The following CFI variants were observed in gnomAD, a reference collection of about 807,000 sequenced individuals.
CFI encodes complement factor I.
A neutral mutation model predicts 78.8 loss-of-function variants in CFI; 66 were observed. That is an observed-to-expected ratio of 0.84 (90% confidence interval 0.69 to 1.03). CFI has a LOEUF of 1.03. Among genes scored for constraint, CFI ranks in the 50% least tolerant of loss-of-function variants. CFI has a pLI of 0.00. For missense variants in CFI, 706 were observed against 704.5 expected, an observed-to-expected ratio of 1.00 and a Z score of -0.02; for synonymous variants, 250 against 232.6, an observed-to-expected ratio of 1.07 and a Z score of -0.68.
At chr4:109,779,724 C>T (rs62324929) in intron 1 of CFI, among the ~76,000 whole-genome samples, 6,170 of 152,226 alleles carry the variant, frequency 0.041, 181 homozygotes, top group South Asian at 0.1. Context: ...TGTGACCTGA[C>T]TTCAAACTAT....
At chr4:109,798,315 T>C (rs1409095979) in intron 1 of CFI, among the ~76,000 whole-genome samples, 2 of 152,208 alleles carry the variant, frequency 1.3e-5, no homozygotes, top group Non-Finnish European at 2.9e-5. Context: ...ATTTCTTTGT[T>C]AAGAGTTGTT....
Position 109,760,132 on chromosome 4 carries a change from A to T in CFI, c.883+138T>A, listed in dbSNP as rs1328522771. Reference sequence around the variant, plus strand: ...AAATATGAGGAGATGAACATTCCATAGTTCTGCAAATGCCCACTCAGTGTT... The same window carrying T: ...AAATATGAGGAGATGAACATTCCATTGTTCTGCAAATGCCCACTCAGTGTT... On this transcript the variant is annotated intron_variant, in intron 6 of 12. Transcript: ENST00000394634. The T allele has an allele frequency of 4.2e-6, 3 of 715,714 alleles. No individual in the cohort carries two copies. The Admixed American group carries it at 5.9e-5, about 14-fold the overall frequency. 44.3% of individuals were successfully genotyped at this position (715,714 alleles called of 1,614,324 possible). A position where few individuals can be genotyped will look rare whatever the true frequency, so the allele number is the denominator to read the frequency against.
At chr4:109,776,524 T>C (rs1292350893) in intron 1 of CFI, among the ~76,000 whole-genome samples, 1 of 152,094 alleles carries the variant, frequency 6.6e-6, no homozygotes, top group Admixed American at 6.5e-5. Context: ...ACGAGGAGAA[T>C]GGAACCAAGC....
In CFI at chr4:109,787,425, T is replaced by C. The variant is rs1023353917; in HGVS notation, c.57+14490A>G. Among the ~76,000 whole-genome samples, 7 of 152,032 alleles carry C rather than the reference T, an allele frequency of 4.6e-5. No individual in the cohort carries two copies. The East Asian group carries it at 9.7e-4, about 21-fold the overall frequency. On this transcript the variant is annotated intron_variant, in intron 1 of 12. Transcript: ENST00000394634. Reference sequence around the variant, plus strand: ...TCTCCTTGGAGCTGCCCGTTTTGCATTGTACCTGGGAGCAGCCCTGCTTTT... The same window carrying C: ...TCTCCTTGGAGCTGCCCGTTTTGCACTGTACCTGGGAGCAGCCCTGCTTTT...
intron 12 of CFI, chr4:109,742,238 G>C: frequency 2.2e-6 from 1 of 456,296 alleles, no homozygotes; most frequent in Non-Finnish European, 4.0e-6. Flanking sequence ...TCTAGGTCTG[G>C]TTCCAGAGGC....
intron 1 of CFI, among the ~76,000 whole-genome samples, chr4:109,797,682 C>CTAAGGG (rs1479344199): frequency 1.3e-5 from 2 of 152,102 alleles, no homozygotes; most frequent in Non-Finnish European, 2.9e-5. Context: ...TAATATCTAT[C>CTAAGGG]TAAAATACAT....
rs1039629559 is a variant in CFI, at chr4:109,767,846, G to A, written c.58-1022C>T. Among the ~76,000 whole-genome samples, 315 of 152,050 alleles carry A rather than the reference G, an allele frequency of 2.1e-3. 1 individual carries two copies. Among genetic ancestry groups the A allele is most frequent in the African/African-American group, 6.9e-3 (288 of 41,450 alleles). ...ACACATGCACACGTATGTTTATTGC[G>A]GCACTATTCACAATAGCAAAGACTT... On this transcript the variant is annotated intron_variant, in intron 1 of 12. Coordinates refer to ENST00000394634, the MANE Select transcript of CFI (RefSeq NM_000204.5).
chr4:109,766,370 A>G (rs1727748698), intron 2 of CFI, among the ~76,000 whole-genome samples, 184 bp downstream of exon 2: 1 of 152,176 alleles, frequency 6.6e-6, no homozygotes, highest in African/African-American at 2.4e-5. Flanking sequence ...CTGCACTCAA[A>G]GGCTGGCTGG....
chr4:109,747,729 C>T (rs1407628872), intron 10 of CFI, among the ~76,000 whole-genome samples: 1 of 152,126 alleles, frequency 6.6e-6, no homozygotes, highest in African/African-American at 2.4e-5. Context: ...TGTTCCTCAA[C>T]CTTTTTGGCA....
chr4:109,796,625 G>A (rs142824025), intron 1 of CFI, among the ~76,000 whole-genome samples: 124 of 152,228 alleles, frequency 8.1e-4, no homozygotes, highest in African/African-American at 2.7e-3. Flanking sequence ...AACATAGCAA[G>A]GTCCCATCAC....
At chr4:109,798,519 T>TA (rs201294943) in intron 1 of CFI, among the ~76,000 whole-genome samples, 735 of 33,814 alleles carry the variant, frequency 0.022, 7 homozygotes, top group Non-Finnish European at 0.021. Flanking sequence ...TTTTTTTTTT[T>TA]TAAAAAGACC....
At chr4:109,779,047 G>T (rs1729651233) in intron 1 of CFI, among the ~76,000 whole-genome samples, 2 of 151,822 alleles carry the variant, frequency 1.3e-5, no homozygotes, top group African/African-American at 2.4e-5. Flanking sequence ...GCAAAAACTG[G>T]AAGCATTCCC....
intron 1 of CFI, among the ~76,000 whole-genome samples, chr4:109,796,783 C>T (rs991594600): frequency 2.0e-5 from 3 of 152,132 alleles, no homozygotes; most frequent in Non-Finnish European, 2.9e-5. Context: ...GGCAACAGTG[C>T]AAAACCCTGT....
At chr4:109,778,920 C>T (rs1214391422) in intron 1 of CFI, among the ~76,000 whole-genome samples, 1 of 152,074 alleles carries the variant, frequency 6.6e-6, no homozygotes, top group African/African-American at 2.4e-5. Context: ...AGGCCTTCGA[C>T]AAAATTCAAC....
chr4:109,773,265 C>T (rs536187193), intron 1 of CFI, among the ~76,000 whole-genome samples: 9 of 152,298 alleles, frequency 5.9e-5, no homozygotes, highest in Admixed American at 3.3e-4. Context: ...CAGTGGCTTA[C>T]GCCTGTAATC....
the CFI span, among the ~76,000 whole-genome samples, chr4:109,735,508 A>G: frequency 1.1e-3 from 162 of 152,368 alleles, 1 homozygote; most frequent in East Asian, 0.026. Flanking sequence ...ATAAAATATT[A>G]ATGATAAACA....
chr4:109,754,410 G>GT (rs1725852749), intron 7 of CFI, among the ~76,000 whole-genome samples: 1 of 10,676 alleles, frequency 9.4e-5, no homozygotes, highest in African/African-American at 1.7e-4. Flanking sequence ...GGATGCAGAA[G>GT]TTAAAAAAAA....
chr4:109,741,672 C>T (rs983746774), intron 12 of CFI, among the ~76,000 whole-genome samples: 1 of 152,162 alleles, frequency 6.6e-6, no homozygotes, highest in African/African-American at 2.4e-5. Context: ...GTGCTATTCA[C>T]CTATTTTGTC....
At position 109,763,469 on chromosome 4, in the gene CFI, A is replaced by G. The variant is rs1727335316; in HGVS notation, c.482+1068T>C. Among the ~76,000 whole-genome samples the G allele has an allele frequency of 2.6e-5, 4 of 152,194 alleles. No individual in the cohort carries two copies. In the South Asian group the frequency reaches 8.3e-4, roughly 31 times the overall value. ...AAAAGCAGGGTAAATAATAAGCCTA[A>G]AAACAAGAGGAAAAATAAATTCAAC... On this transcript the variant is annotated intron_variant, in intron 3 of 12. Transcript: ENST00000394634.
Sources: gnomAD v4.1 joint callset for allele counts (sites outside exome capture counted in the v4.1 genomes callset) on GRCh38, gnomAD v4.1.1 for gene constraint, MANE v1.5 for transcripts, NCBI Gene and HGNC (gene_info 2026-07-23, HGNC 2026-07-21) for gene names.